Variants in HERC5 observed in about 807,000 individuals in gnomAD.
HERC5 encodes HECT and RLD domain containing E3 ubiquitin protein ligase 5.
In HERC5, 99 loss-of-function variants were observed where a neutral mutation model predicts 119.6. That is an observed-to-expected ratio of 0.83 (90% CI 0.70 to 0.98). The LOEUF (loss-of-function observed/expected upper bound fraction) is 0.98. Among genes scored for constraint, HERC5 ranks in the 50% least tolerant of loss-of-function variants. The probability of loss-of-function intolerance (pLI) is 0.00; values close to 1 mark genes in which losing one functional copy is unlikely to be tolerated. For missense variants in HERC5, 1,267 were observed against 1,241.3 expected, an observed-to-expected ratio of 1.02 and a Z score of -0.31; for synonymous variants, 478 against 445.9, an observed-to-expected ratio of 1.07 and a Z score of -0.91.
At chr4:88,491,024 T>G (rs1226824393) in intron 16 of HERC5, among the ~76,000 whole-genome samples, 1 of 152,168 alleles carries the variant, frequency 6.6e-6, no homozygotes, top group Non-Finnish European at 1.5e-5. Flanking sequence ...CAGGTAACAC[T>G]CAGCATTTAC....
intron 7 of HERC5, 67 bp downstream of exon 7, chr4:88,467,271 G>A: frequency 6.6e-7 from 1 of 1,507,992 alleles, no homozygotes; most frequent in Non-Finnish European, 9.1e-7. Context: ...TTCTAACTAG[G>A]TAATGTGGCA....
chr4:88,479,348 C>T lies in HERC5; in HGVS notation c.1583-5C>T. 6.4e-7 allele frequency: 1 copy of T among 1,571,498 alleles called. No individual in the cohort carries two copies. On this transcript the variant is annotated splice_region_variant and splice_polypyrimidine_tract_variant and intron_variant, in intron 12 of 22. Coordinates refer to ENST00000264350, the MANE Select transcript of HERC5 (RefSeq NM_016323.4). Reference sequence around the variant, plus strand: ...TAAAAAATTTGCTTTCCTTGTGTTCCTCAGAAGAGTATTGGGCAACTCTGC... The same window carrying T: ...TAAAAAATTTGCTTTCCTTGTGTTCTTCAGAAGAGTATTGGGCAACTCTGC...
rs370299747 is a variant in HERC5, at chr4:88,488,357, G to A, written c.1963-809G>A. ...AGCGATTCTCCTGACTCAGCCTCCCGAGTAGCTGGGATTACAGGTGCCCGC... is the reference window on the plus strand; with the variant it reads ...AGCGATTCTCCTGACTCAGCCTCCCAAGTAGCTGGGATTACAGGTGCCCGC... On this transcript the variant is annotated intron_variant, in intron 15 of 22. Transcript: ENST00000264350. Among the ~76,000 whole-genome samples the A allele has an allele frequency of 6.6e-5, 10 of 150,910 alleles. No homozygotes were observed. The East Asian group carries it at 9.7e-4, about 15-fold the overall frequency.
intron 4 of HERC5, 43 bp downstream of exon 4, chr4:88,462,399 T>G: frequency 1.3e-6 from 2 of 1,513,022 alleles, no homozygotes; most frequent in Middle Eastern, 3.4e-4. Flanking sequence ...ACAGATATAC[T>G]TGTTAGATGA....
chr4:88,460,504 C>T (rs568006486), intron 3 of HERC5, among the ~76,000 whole-genome samples: 1 of 152,324 alleles, frequency 6.6e-6, no homozygotes, highest in Admixed American at 6.5e-5. Flanking sequence ...CTTCCCTTTT[C>T]CTAACACCTT....
Position 88,504,570 on chromosome 4 carries a change from A to G in HERC5, c.2842A>G (p.Thr948Ala), listed in dbSNP as rs767538717. The change falls in exon 22 of 23, where the codon ACT becomes GCT. Residue 948 changes from threonine to alanine, a missense_variant. Physicochemically the swap from Thr to Ala is moderately conservative, Grantham distance 58. Coordinates refer to ENST00000264350, the MANE Select transcript of HERC5 (RefSeq NM_016323.4). ...GTTTTGGAAGGCTTTCCACAAATTG[A>G]CTCTGGAAGAAAAGAAAAAATTCCT... is the stretch of plus-strand genomic sequence containing the variant. ...VMFWKAFHKL[T>A]LEEKKKFLVF... The G allele has an allele frequency of 1.3e-6, 2 of 1,570,212 alleles. No individual in the cohort carries two copies. The highest frequency in any genetic ancestry group is 2.4e-5 in the South Asian group (2 of 83,028).
At chr4:88,473,922 G>A (rs1485454340) in intron 11 of HERC5, 1 of 152,154 alleles carries the variant, frequency 6.6e-6, no homozygotes. Flanking sequence ...GGGCATCCTT[G>A]ACCTCCATTG....
At chr4:88,469,592 C>T (rs1346847376) in intron 9 of HERC5, among the ~76,000 whole-genome samples, 1 of 152,178 alleles carries the variant, frequency 6.6e-6, no homozygotes, top group Admixed American at 6.5e-5. Flanking sequence ...AATCTAAAAG[C>T]AGAATTTCCT....
chr4:88,481,373 T>C (rs1335743051), intron 13 of HERC5, among the ~76,000 whole-genome samples: 1 of 152,096 alleles, frequency 6.6e-6, no homozygotes, highest in African/African-American at 2.4e-5. Flanking sequence ...TTTTTCTTAG[T>C]GCTTACAAGA....
intron 18 of HERC5, among the ~76,000 whole-genome samples, chr4:88,496,222 T>C (rs1741791555): frequency 6.6e-6 from 1 of 152,194 alleles, no homozygotes; most frequent in South Asian, 2.1e-4. Flanking sequence ...CTGGCTCACA[T>C]TTTGAGAACC....
chr4:88,481,838 C>T (rs1245472466), intron 13 of HERC5, among the ~76,000 whole-genome samples: 1 of 152,126 alleles, frequency 6.6e-6, no homozygotes, highest in African/African-American at 2.4e-5. Context: ...TCTAAGAGGA[C>T]AATAGCCAAG....
intron 16 of HERC5, 90 bp downstream of exon 16, chr4:88,489,426 T>C (rs1741563127): frequency 6.6e-6 from 8 of 1,207,302 alleles, no homozygotes; most frequent in Non-Finnish European, 8.1e-6. Flanking sequence ...GAGGAAGTTA[T>C]CTTCCTTTGC....
At chr4:88,490,663 G>A (rs1037573226) in intron 16 of HERC5, among the ~76,000 whole-genome samples, 4 of 152,118 alleles carry the variant, frequency 2.6e-5, no homozygotes, top group African/African-American at 9.7e-5. Context: ...GACCAGCATG[G>A]TGAAACCCCA....
intron 15 of HERC5, among the ~76,000 whole-genome samples, chr4:88,487,906 C>T (rs149381951): frequency 2.0e-5 from 3 of 152,230 alleles, no homozygotes; most frequent in Admixed American, 2.0e-4. Context: ...ACACAAAGCA[C>T]CCAAAGGGTT....
In HERC5 at chr4:88,457,142, G is replaced by T. The variant is rs1410438516; in HGVS notation, c.-128G>T. 1 of 1,231,524 alleles carries T rather than the reference G, an allele frequency of 8.1e-7. No homozygotes were observed. The allele number at this position is 1,231,524 out of a possible 1,614,324, so 76.3% of individuals were successfully genotyped here. A position where few individuals can be genotyped will look rare whatever the true frequency, so the allele number is the denominator to read the frequency against. Reference sequence around the variant, plus strand: ...TCAGTAGCTGAGGCTGCGGTTCCCCGACGCCACGCAGCTGCGCGCAGCTGG... The same window carrying T: ...TCAGTAGCTGAGGCTGCGGTTCCCCTACGCCACGCAGCTGCGCGCAGCTGG... On this transcript the variant is annotated 5_prime_UTR_variant, in exon 1 of 23. Transcript: ENST00000264350.
At chr4:88,460,437 C>A (rs1299832858) in intron 3 of HERC5, among the ~76,000 whole-genome samples, 7 of 152,150 alleles carry the variant, frequency 4.6e-5, no homozygotes, top group African/African-American at 1.7e-4. Flanking sequence ...TCTGAATAAT[C>A]AAAACTGTTT....
chr4:88,476,443 T>G (rs186695472), intron 12 of HERC5, among the ~76,000 whole-genome samples: 114 of 152,344 alleles, frequency 7.5e-4, no homozygotes, highest in Middle Eastern at 3.4e-3. Context: ...GTAATTGTAT[T>G]TATTCACTGA....
chr4:88,490,930 G>C (rs192253336), intron 16 of HERC5, among the ~76,000 whole-genome samples: 5 of 152,202 alleles, frequency 3.3e-5, no homozygotes, highest in East Asian at 3.9e-4. Flanking sequence ...TAATGGACTC[G>C]TTATGTGATT....
intron 20 of HERC5, among the ~76,000 whole-genome samples, chr4:88,503,289 T>C (rs995167291): frequency 4.6e-5 from 7 of 152,216 alleles, no homozygotes; most frequent in South Asian, 2.1e-4. Context: ...ATAATGAGGC[T>C]TTAATCCATG....
Sources: allele counts gnomAD v4.1 joint callset (sites outside exome capture counted in the v4.1 genomes callset), GRCh38; gene constraint gnomAD v4.1.1; transcripts MANE v1.5; gene names NCBI Gene and HGNC (gene_info 2026-07-23, HGNC 2026-07-21).